Variants in PRKG1 observed in about 807,000 individuals in gnomAD.
The protein encoded by PRKG1 is protein kinase cGMP-dependent 1, also known as cGMP-dependent protein kinase 1.
PRKG1 carries 35 observed loss-of-function variants against 88.1 expected under a neutral mutation model. That is an observed-to-expected ratio of 0.40 (90% CI 0.30 to 0.53). The LOEUF (loss-of-function observed/expected upper bound fraction) is 0.53, where lower values mean the gene tolerates loss of function less well. Among genes scored for constraint, PRKG1 ranks in the 20% least tolerant of loss-of-function variants. PRKG1 has a pLI of 0.59. For missense variants in PRKG1, 540 were observed against 839.8 expected (o/e 0.64, Z 4.41); for synonymous variants, 303 against 292.5 (o/e 1.04, Z -0.37).
intron 4 of PRKG1, among the ~76,000 whole-genome samples, chr10:51,818,415 A>G (rs562512073): frequency 3.7e-4 from 56 of 152,278 alleles, no homozygotes; most frequent in African/African-American, 1.2e-3. Flanking sequence ...CTGTTTGATT[A>G]CAAAAAAAAA....
At chr10:51,783,559 A>G (rs1363967926) in intron 3 of PRKG1, among the ~76,000 whole-genome samples, 2 of 152,192 alleles carry the variant, frequency 1.3e-5, no homozygotes, top group East Asian at 1.9e-4. Context: ...TGGGATTAAA[A>G]GTGTGAGCCA....
chr10:51,030,683 G>A (rs563604511), intron 1 of PRKG1, among the ~76,000 whole-genome samples: 1 of 152,198 alleles, frequency 6.6e-6, no homozygotes, highest in African/African-American at 2.4e-5. Flanking sequence ...TGCCATCCTT[G>A]CAGTAATGAG....
At chr10:52,126,082 G>A (rs1315880414) in intron 7 of PRKG1, 2 of 152,018 alleles carry the variant, frequency 1.3e-5, no homozygotes, top group African/African-American at 4.8e-5. Flanking sequence ...CTTGTTTCTG[G>A]AATTTTCCAT....
chr10:51,184,137 T>C (rs1426960414), intron 2 of PRKG1, among the ~76,000 whole-genome samples: 2 of 152,240 alleles, frequency 1.3e-5, no homozygotes, highest in African/African-American at 4.8e-5. Flanking sequence ...CCAACTCATA[T>C]GACATCTTTA....
intron 5 of PRKG1, among the ~76,000 whole-genome samples, chr10:51,984,946 T>G (rs1201176787): frequency 6.6e-6 from 1 of 152,196 alleles, no homozygotes; most frequent in Non-Finnish European, 1.5e-5. Context: ...GTACCCTTAA[T>G]GCTTCATGAA....
chr10:51,644,112 A>G (rs1839863282), intron 3 of PRKG1, among the ~76,000 whole-genome samples: 1 of 152,184 alleles, frequency 6.6e-6, no homozygotes, highest in Non-Finnish European at 1.5e-5. Context: ...CCTAAAAACT[A>G]ATAAACTCTT....
intron 5 of PRKG1, among the ~76,000 whole-genome samples, chr10:51,983,574 C>G (rs1004911265): frequency 2.6e-5 from 4 of 152,160 alleles, no homozygotes; most frequent in Admixed American, 2.6e-4. Context: ...GAGTTTAGGT[C>G]CCACAGTTCC....
At chr10:51,713,149 T>A (rs1841803155) in intron 3 of PRKG1, among the ~76,000 whole-genome samples, 1 of 152,228 alleles carries the variant, frequency 6.6e-6, no homozygotes, top group East Asian at 1.9e-4. Context: ...GAATACATGT[T>A]TTATTCCCCC....
chr10:51,040,232 T>TG (rs1843401823), intron 1 of PRKG1, among the ~76,000 whole-genome samples: 2 of 117,844 alleles, frequency 1.7e-5, no homozygotes, highest in Middle Eastern at 4.3e-3. Context: ...TCCATTCCAT[T>TG]TGTGTGTGTG....
intron 4 of PRKG1, among the ~76,000 whole-genome samples, chr10:51,875,865 A>G (rs1841285402): frequency 6.6e-6 from 1 of 152,058 alleles, no homozygotes; most frequent in East Asian, 1.9e-4. Context: ...TATCCAGTAC[A>G]AATTTTTGGA....
At chr10:51,518,542 C>A (rs1156597754) in intron 3 of PRKG1, among the ~76,000 whole-genome samples, 3 of 152,124 alleles carry the variant, frequency 2.0e-5, no homozygotes, top group African/African-American at 4.8e-5. Context: ...GCTCCATTAT[C>A]TTCAATATAA....
chr10:51,715,462 G>C (rs1841863186), intron 3 of PRKG1, among the ~76,000 whole-genome samples: 1 of 151,958 alleles, frequency 6.6e-6, no homozygotes, highest in South Asian at 2.1e-4. Context: ...GTCCTCAGGG[G>C]GTATGCAGAC....
At chr10:52,271,573 T>A in intron 11 of PRKG1, 84 bp downstream of exon 11, 1 of 1,421,784 alleles carries the variant, frequency 7.0e-7, no homozygotes, top group Middle Eastern at 2.2e-4. Context: ...GTGCTCACTG[T>A]TAACACATTT....
intron 3 of PRKG1, among the ~76,000 whole-genome samples, chr10:51,737,535 C>T (rs10762342): frequency 0.16 from 24,890 of 151,714 alleles, 2,155 homozygotes; most frequent in South Asian, 0.22. Context: ...TCACTGGTGT[C>T]GAAGGAATGA....
At chr10:51,647,015 C>G (rs564126624) in intron 3 of PRKG1, among the ~76,000 whole-genome samples, 1 of 151,616 alleles carries the variant, frequency 6.6e-6, no homozygotes. Context: ...TTAAGAGAAC[C>G]ATTAGTTATT....
chr10:51,455,019 C>T (rs2083986), intron 2 of PRKG1, among the ~76,000 whole-genome samples: 31,269 of 152,194 alleles, frequency 0.21, 3,454 homozygotes, highest in Admixed American at 0.32. Context: ...AAGCAAATCC[C>T]TTTCATGTAT....
intron 3 of PRKG1, among the ~76,000 whole-genome samples, chr10:51,770,331 G>T (rs542252077): frequency 1.3e-5 from 2 of 152,180 alleles, no homozygotes; most frequent in South Asian, 4.1e-4. Context: ...TGAAGAAACA[G>T]GTATGTTAAT....
chr10:51,694,199 C>A (rs903210812), intron 3 of PRKG1, among the ~76,000 whole-genome samples: 4 of 152,150 alleles, frequency 2.6e-5, no homozygotes, highest in African/African-American at 9.7e-5. Flanking sequence ...AATTCAGTTT[C>A]TCTGCCACAG....
At chr10:51,083,604 G>T (rs767544383) in intron 1 of PRKG1, among the ~76,000 whole-genome samples, 1 of 151,850 alleles carries the variant, frequency 6.6e-6, no homozygotes, top group Non-Finnish European at 1.5e-5. Flanking sequence ...AGACTTCAGA[G>T]AAAGCAGAAC....
Sources: allele counts gnomAD v4.1 joint callset (sites outside exome capture counted in the v4.1 genomes callset), GRCh38; gene constraint gnomAD v4.1.1; transcripts MANE v1.5; gene names NCBI Gene and HGNC (gene_info 2026-07-23, HGNC 2026-07-21).